RHOU: variants seen among roughly 807,000 people sequenced by gnomAD.
RHOU encodes the protein ras homolog family member U, also known as rho-related GTP-binding protein RhoU.
RHOU carries 8 observed loss-of-function variants against 12.6 expected under a neutral mutation model. The ratio of observed to expected loss-of-function variants is 0.64; its 90% CI spans 0.37 to 1.15. The LOEUF (loss-of-function observed/expected upper bound fraction) is 1.15. Among genes scored for constraint, RHOU ranks in the 50% most tolerant of loss-of-function variants. The pLI, the probability that RHOU is intolerant of heterozygous loss-of-function variation, is 0.01. For synonymous variants in RHOU, 161 were observed against 147.4 expected, an observed-to-expected ratio of 1.09 and a Z score of -0.67; for missense variants, 258 against 347.0, an observed-to-expected ratio of 0.74 and a Z score of 2.04.
At chr1:228,663,725 C>A in the RHOU span, among the ~76,000 whole-genome samples, 1 of 148,260 alleles carries the variant, frequency 6.7e-6, no homozygotes, top group Non-Finnish European at 1.5e-5. Flanking sequence ...CTCCGCCTCC[C>A]GAGATCAAGC....
chr1:228,704,707 C>T, the RHOU span, among the ~76,000 whole-genome samples: 1 of 152,062 alleles, frequency 6.6e-6, no homozygotes, highest in African/African-American at 2.4e-5. Flanking sequence ...TACCACCTGC[C>T]TTGGCCTCCC....
chr1:228,681,992 G>C, the RHOU span, among the ~76,000 whole-genome samples: 16 of 152,168 alleles, frequency 1.1e-4, no homozygotes, highest in Non-Finnish European at 1.9e-4. Flanking sequence ...GACACCAATG[G>C]GGTGTGGGTG....
chr1:228,724,911 G>A, the RHOU span, among the ~76,000 whole-genome samples: 1 of 152,154 alleles, frequency 6.6e-6, no homozygotes, highest in African/African-American at 2.4e-5. Flanking sequence ...GACACCCACT[G>A]ATACACAGAA....
the RHOU span, among the ~76,000 whole-genome samples, chr1:228,668,928 C>T: frequency 4.6e-5 from 7 of 152,164 alleles, no homozygotes; most frequent in Non-Finnish European, 8.8e-5. Context: ...TCCCAGGAAC[C>T]CAGGCCAGCT....
At chr1:228,671,480 G>A in the RHOU span, among the ~76,000 whole-genome samples, 1 of 151,996 alleles carries the variant, frequency 6.6e-6, no homozygotes, top group East Asian at 1.9e-4. Context: ...ACTTTGGGAG[G>A]CCGAGGCAAG....
the RHOU span, among the ~76,000 whole-genome samples, chr1:228,679,605 T>C: frequency 6.6e-6 from 1 of 151,924 alleles, no homozygotes; most frequent in Non-Finnish European, 1.5e-5. Flanking sequence ...TTGTCCAGTT[T>C]TTGGACAGGT....
chr1:228,692,802 C>A, the RHOU span, among the ~76,000 whole-genome samples: 1 of 151,672 alleles, frequency 6.6e-6, no homozygotes, highest in Non-Finnish European at 1.5e-5. Flanking sequence ...AATCTAGTAT[C>A]ATTAAAAATC....
At chr1:228,733,565 C>A (rs189450525), upstream of RHOU, among the ~76,000 whole-genome samples, 8 of 152,234 alleles carry the variant, frequency 5.3e-5, no homozygotes, top group Admixed American at 5.2e-4. Context: ...CTTCAGCCCC[C>A]CAAAGTGTTG....
chr1:228,688,922 T>C, the RHOU span, among the ~76,000 whole-genome samples: 1 of 152,104 alleles, frequency 6.6e-6, no homozygotes, highest in African/African-American at 2.4e-5. Flanking sequence ...GAGAAACAAA[T>C]ATAAAGCTAC....
the RHOU span, among the ~76,000 whole-genome samples, chr1:228,723,598 AT>A: frequency 2.0e-5 from 3 of 152,204 alleles, no homozygotes; most frequent in Non-Finnish European, 4.4e-5. Context: ...AATGGCCTGC[AT>A]TTGCATATCA....
At chr1:228,682,909 T>A in the RHOU span, among the ~76,000 whole-genome samples, 1 of 151,776 alleles carries the variant, frequency 6.6e-6, no homozygotes, top group Admixed American at 6.6e-5. Flanking sequence ...GTCAGAGCAA[T>A]GGAGATGTGG....
chr1:228,691,377 C>G, the RHOU span, among the ~76,000 whole-genome samples: 1 of 152,014 alleles, frequency 6.6e-6, no homozygotes, highest in Non-Finnish European at 1.5e-5. Context: ...GTTTCACTGG[C>G]CTAAAAGTCA....
chr1:228,690,301 A>C, the RHOU span, among the ~76,000 whole-genome samples: 1 of 152,102 alleles, frequency 6.6e-6, no homozygotes, highest in Non-Finnish European at 1.5e-5. Context: ...TTGAGAGACC[A>C]AATGCTGAAG....
the RHOU span, among the ~76,000 whole-genome samples, chr1:228,675,212 G>A: frequency 6.6e-6 from 1 of 152,106 alleles, no homozygotes; most frequent in South Asian, 2.1e-4. Context: ...GTTCTGCAGT[G>A]TCTCCTATCA....
chr1:228,745,520 TAAC>T lies in RHOU; in HGVS notation c.*1783_*1785del, dbSNP rs1662810905. 2 of 152,240 alleles carry T rather than the reference TAAC, an allele frequency of 1.3e-5. No individual in the cohort carries two copies. 9.4% of individuals were successfully genotyped at this position (152,240 alleles called of 1,614,324 possible). A position where few individuals can be genotyped will look rare whatever the true frequency, so the allele number is the denominator to read the frequency against. ...ATTTATTCCTGTTAGTAAATAAAAT[TAAC>T]AAATTTCTTTGTTTAACAAAAGATT... On this transcript the variant is annotated 3_prime_UTR_variant, in exon 3 of 3. Coordinates refer to ENST00000366691, the MANE Select transcript of RHOU (RefSeq NM_021205.6).
chr1:228,647,088 C>T, the RHOU span, among the ~76,000 whole-genome samples: 2 of 152,160 alleles, frequency 1.3e-5, no homozygotes, highest in Admixed American at 1.3e-4. Context: ...AGGAAGCACC[C>T]TACTTCGGTA....
At chr1:228,734,874 A>G (rs1432979470), upstream of RHOU, among the ~76,000 whole-genome samples, 1 of 152,228 alleles carries the variant, frequency 6.6e-6, no homozygotes, top group Admixed American at 6.5e-5. Flanking sequence ...TACATGTATA[A>G]AGGTTCACGG....
At chr1:228,733,544 C>T (rs1287689708), upstream of RHOU, among the ~76,000 whole-genome samples, 2 of 152,314 alleles carry the variant, frequency 1.3e-5, no homozygotes, top group African/African-American at 2.4e-5. Context: ...TGGCCTCAAC[C>T]GGTCTGACTG....
chr1:228,682,655 A>G, the RHOU span, among the ~76,000 whole-genome samples: 1 of 152,184 alleles, frequency 6.6e-6, no homozygotes, highest in Non-Finnish European at 1.5e-5. Flanking sequence ...AAGTACGTTG[A>G]TCAGTTAGGG....
Sources: gnomAD v4.1 joint callset for allele counts (sites outside exome capture counted in the v4.1 genomes callset) on GRCh38, gnomAD v4.1.1 for gene constraint, MANE v1.5 for transcripts, NCBI Gene and HGNC (gene_info 2026-07-23, HGNC 2026-07-21) for gene names.